FGF11: variants seen among roughly 807,000 people sequenced by gnomAD.
FGF11 encodes fibroblast growth factor homologous factor 3.
In FGF11, 25 loss-of-function variants were observed where a neutral mutation model predicts 25.1. That is an observed-to-expected ratio of 1.00 (90% CI 0.73 to 1.39). FGF11 has a LOEUF of 1.39. FGF11 is among the 40% of genes most tolerant of loss of function. FGF11 has a pLI of 0.00. For synonymous variants in FGF11, 130 were observed against 128.9 expected, an observed-to-expected ratio of 1.01 and a Z score of -0.06; for missense variants, 320 against 311.0, an observed-to-expected ratio of 1.03 and a Z score of -0.22.
Position 7,441,617 on chromosome 17 carries a change from G to T in FGF11, c.304+36G>T, listed in dbSNP as rs764370535. The T allele has an allele frequency of 9.3e-6, 15 of 1,613,234 alleles. No homozygotes were observed. The East Asian group carries it at 2.9e-4, about 31-fold the overall frequency. On this transcript the variant is annotated intron_variant, in intron 2 of 4. Coordinates refer to ENST00000293829, the MANE Select transcript of FGF11 (RefSeq NM_004112.4). Reference sequence around the variant, plus strand: ...AAGCTGGCTGCAGGGTGGGAAGGGGGAGAATGGGGACAGGAGATGACAATC... The same window carrying T: ...AAGCTGGCTGCAGGGTGGGAAGGGGTAGAATGGGGACAGGAGATGACAATC...
intron 1 of FGF11, 193 bp from the exon 2 acceptor site, chr17:7,441,278 G>A: frequency 2.9e-6 from 2 of 678,470 alleles, no homozygotes; most frequent in South Asian, 3.9e-5. Flanking sequence ...ATAGGAAACA[G>A]AAGGGACCCA....
chr17:7,444,272 G>C lies in FGF11; in HGVS notation c.*1126G>C, dbSNP rs1206754326. The C allele has an allele frequency of 2.0e-5, 3 of 152,714 alleles. No homozygotes were observed. Among genetic ancestry groups the C allele is most frequent in the Middle Eastern group, 6.8e-3 (2 of 294 alleles). The allele number at this position is 152,714 out of a possible 1,614,324, so 9.5% of individuals were successfully genotyped here. ...TGGCTCATAGTAGGGAAGCTGGGAT[G>C]GGGGAGGGGTCAAAATTATGGCATG... On this transcript the variant is annotated 3_prime_UTR_variant, in exon 5 of 5. Transcript: ENST00000293829.
chr17:7,443,088 A>G lies in FGF11; in HGVS notation c.620A>G (p.Gln207Arg). The G allele has an allele frequency of 1.2e-6, 2 of 1,612,364 alleles. No individual in the cohort carries two copies. Among genetic ancestry groups the G allele is most frequent in the East Asian group, 2.2e-5 (1 of 44,874 alleles). ...CTCCCCTTCACAGTGGCCATGTACCAGGAGCCTTCTCTCCACAGTGTCCCC... is the reference window on the plus strand; with the variant it reads ...CTCCCCTTCACAGTGGCCATGTACCGGGAGCCTTCTCTCCACAGTGTCCCC... ...LPKLLEVAMY[Q>R]EPSLHSVPEA... is the part of the protein sequence containing the mutation. Residue 207 changes from glutamine (Q) to arginine (R), a missense_variant, in exon 5 of 5, where the codon CAG becomes CGG. Gln to Arg is a conservative substitution (Grantham distance 43, BLOSUM62 1). Coordinates refer to ENST00000293829, the MANE Select transcript of FGF11 (RefSeq NM_004112.4).
rs193079622 is a variant in FGF11, at chr17:7,442,491, C to G, written c.409-103C>G. 149 of 1,483,824 alleles carry G rather than the reference C, an allele frequency of 1.0e-4. 1 individual carries two copies. The African/African-American group carries it at 1.8e-3, about 18-fold the overall frequency. 91.9% of individuals were successfully genotyped at this position (1,483,824 alleles called of 1,614,324 possible). On this transcript the variant is annotated intron_variant, in intron 3 of 4. Coordinates refer to ENST00000293829, the MANE Select transcript of FGF11 (RefSeq NM_004112.4). The stretch of plus-strand genomic sequence containing the variant: ...TGGACTCAGAAGTTGTCCTCCCCCT[C>G]CCCCAAAAAGGATTTGTGCTTTCCA...
rs759534478 is a variant in FGF11, at chr17:7,443,314, G to A, written c.*168G>A. ...AGCCTAGGGGCTGACTGTGACTTCC[G>A]AGGCTGCTGAGACCCTTAGATCTTT... is the stretch of plus-strand genomic sequence containing the variant. On this transcript the variant is annotated 3_prime_UTR_variant, in exon 5 of 5. Coordinates refer to ENST00000293829, the MANE Select transcript of FGF11 (RefSeq NM_004112.4). 32 of 572,522 alleles carry A rather than the reference G, an allele frequency of 5.6e-5. No homozygotes were observed. Among genetic ancestry groups the A allele is most frequent in the Non-Finnish European group, 8.7e-5 (28 of 323,118 alleles). The allele number at this position is 572,522 out of a possible 1,614,324, so 35.5% of individuals were successfully genotyped here.
chr17:7,442,040 C>T (rs1156783014), intron 3 of FGF11, 161 bp downstream of exon 3: 2 of 594,670 alleles, frequency 3.4e-6, no homozygotes, highest in African/African-American at 3.7e-5. Context: ...TCCAGACCAG[C>T]TCCTCTAGGG....
intron 4 of FGF11, 32 bp from the exon 5 acceptor site, chr17:7,443,044 C>T (rs769137193): frequency 6.4e-7 from 1 of 1,566,498 alleles, no homozygotes; most frequent in South Asian, 1.1e-5. Context: ...CCTAACTCTC[C>T]TTCCCTGCTC....
At chr17:7,441,901 GC>G (rs775933667) in intron 3 of FGF11, 22 bp downstream of exon 3, 16 of 1,527,750 alleles carry the variant, frequency 1.0e-5, no homozygotes, top group Non-Finnish European at 1.3e-5. Flanking sequence ...AGGCTGAGTG[GC>G]CGGGAAATAC....
Position 7,440,758 on chromosome 17 carries a change from G to A in FGF11, c.194-713G>A, listed in dbSNP as rs987794189. 7 of 986,482 alleles carry A rather than the reference G, an allele frequency of 7.1e-6. No individual in the cohort carries two copies. Among genetic ancestry groups the A allele is most frequent in the African/African-American group, 1.7e-5 (1 of 57,212 alleles). The allele number at this position is 986,482 out of a possible 1,614,324, so 61.1% of individuals were successfully genotyped here. A position where few individuals can be genotyped will look rare whatever the true frequency, so the allele number is the denominator to read the frequency against. On this transcript the variant is annotated intron_variant, in intron 1 of 4. Transcript: ENST00000293829. The surrounding 1 kb of genome is among the most constrained non-coding windows in gnomAD (Gnocchi z 5.4). ...CAGCCCACCCTCTGAGTAGGACCGG[G>A]CCCCCACGTGACTCAGCCTGCCTCT...
intron 4 of FGF11, 67 bp from the exon 5 acceptor site, chr17:7,443,009 C>T: frequency 7.5e-7 from 1 of 1,332,472 alleles, no homozygotes; most frequent in Non-Finnish European, 1.1e-6. Context: ...TTTTGGAGCA[C>T]TGGTTCTGCC....
rs1032889907 is a variant in FGF11 at position 7,444,680 on chromosome 17, T to A, written c.*1534T>A. 1 of 192,330 alleles carries A rather than the reference T, an allele frequency of 5.2e-6. No homozygotes were observed. The highest frequency in any genetic ancestry group is 1.1e-5 in the Non-Finnish European group (1 of 91,084). 11.9% of individuals were successfully genotyped at this position (192,330 alleles called of 1,614,324 possible). A position where few individuals can be genotyped will look rare whatever the true frequency, so the allele number is the denominator to read the frequency against. ...GGCAGCCTGGAAAAGATGGGGAACC[T>A]GCTAGTGAACTAGGAGGGAGACTTC... On this transcript the variant is annotated 3_prime_UTR_variant, in exon 5 of 5. Transcript: ENST00000293829.
At position 7,441,764 on chromosome 17, in the gene FGF11, C is replaced by T. The variant is rs780619379; in HGVS notation, c.305-12C>T. 1 of 1,590,538 alleles carries T rather than the reference C, an allele frequency of 6.3e-7. No individual in the cohort carries two copies. Among genetic ancestry groups the T allele is most frequent in the East Asian group, 2.2e-5 (1 of 44,680 alleles). On this transcript the variant is annotated splice_polypyrimidine_tract_variant and intron_variant, in intron 2 of 4. Transcript: ENST00000293829. ...AGGCCTGGGTATTGATGCTCCCTCTCTCCACCTGCAGCCCACTTCAACCTG... is the reference window on the plus strand; with the variant it reads ...AGGCCTGGGTATTGATGCTCCCTCTTTCCACCTGCAGCCCACTTCAACCTG...
chr17:7,439,883 TGAA>T lies in FGF11; in HGVS notation c.193+74_193+76del, dbSNP rs1908235172. 4 of 1,280,934 alleles carry T rather than the reference TGAA, an allele frequency of 3.1e-6. No individual in the cohort carries two copies. In the South Asian group the frequency reaches 7.2e-5, roughly 23 times the overall value. The allele number at this position is 1,280,934 out of a possible 1,614,324, so 79.3% of individuals were successfully genotyped here. Reference sequence around the variant, plus strand: ...CCTGGGAGATTGAGGCCAGGGACTCTGAAGAATAGGGCCCGGCTGAGGGGCTCC... The same window carrying T: ...CCTGGGAGATTGAGGCCAGGGACTCTGAATAGGGCCCGGCTGAGGGGCTCC... On this transcript the variant is annotated intron_variant, in intron 1 of 4. Coordinates refer to ENST00000293829, the MANE Select transcript of FGF11 (RefSeq NM_004112.4).
At chr17:7,444,937 A>AGT (rs1373382402), downstream of FGF11, 2 of 616,186 alleles carry the variant, frequency 3.2e-6, no homozygotes, top group East Asian at 5.6e-5. Context: ...ATACAACTGA[A>AGT]GTGCTGTCTG....
chr17:7,442,806 C>G lies in FGF11; in HGVS notation c.607+14C>G. ...AGCTCCTGGAGGGTGGGTATAGACT[C>G]AAGAAAATGTGGGCCACAGGAGAGG... On this transcript the variant is annotated intron_variant, in intron 4 of 4. Transcript: ENST00000293829. The G allele has an allele frequency of 6.2e-7, 1 of 1,613,246 alleles. No homozygotes were observed.
chr17:7,443,187 A>T lies in FGF11; in HGVS notation c.*41A>T. 7.7e-7 allele frequency: 1 copy of T among 1,290,726 alleles called. No homozygotes were observed. Among genetic ancestry groups the T allele is most frequent in the Non-Finnish European group, 1.1e-6 (1 of 898,350 alleles). The allele number at this position is 1,290,726 out of a possible 1,614,324, so 80.0% of individuals were successfully genotyped here. Reference sequence around the variant, plus strand: ...CTGGAGGTTCCCTGCACTCCCAGTGAGCCAGCCACCACCACAACCTGTCTC... The same window carrying T: ...CTGGAGGTTCCCTGCACTCCCAGTGTGCCAGCCACCACCACAACCTGTCTC... On this transcript the variant is annotated 3_prime_UTR_variant, in exon 5 of 5. Transcript: ENST00000293829.
chr17:7,440,955 G>A lies in FGF11; in HGVS notation c.194-516G>A. 1 of 1,004,014 alleles carries A rather than the reference G, an allele frequency of 1.0e-6. No individual in the cohort carries two copies. The highest frequency in any genetic ancestry group is 4.1e-5 in the South Asian group (1 of 24,312). The allele number at this position is 1,004,014 out of a possible 1,614,324, so 62.2% of individuals were successfully genotyped here. A position where few individuals can be genotyped will look rare whatever the true frequency, so the allele number is the denominator to read the frequency against. ...AGATGGGTCAGTGTCAGACAGGCCG[G>A]CGCTGGGCCAAGGCAAGGCTCTCGC... On this transcript the variant is annotated intron_variant, in intron 1 of 4. Transcript: ENST00000293829. The surrounding 1 kb of genome is among the most constrained non-coding windows in gnomAD (Gnocchi z 5.4).
Position 7,440,531 on chromosome 17 carries a change from C to A in FGF11, c.193+718C>A. ...GATGGGCGCCGACTCGGGGGTCGTA[C>A]CACCTACAAGGGGGGACAGGGAAGT... On this transcript the variant is annotated intron_variant, in intron 1 of 4. Transcript: ENST00000293829. The surrounding 1 kb of genome is among the most constrained non-coding windows in gnomAD (Gnocchi z 5.4). 1 of 417,172 alleles carries A rather than the reference C, an allele frequency of 2.4e-6. No individual in the cohort carries two copies. The highest frequency in any genetic ancestry group is 3.2e-6 in the Non-Finnish European group (1 of 310,628). The allele number at this position is 417,172 out of a possible 1,614,324, so 25.8% of individuals were successfully genotyped here.
At position 7,440,735 on chromosome 17, in the gene FGF11, G is replaced by A; in HGVS notation, c.194-736G>A. On this transcript the variant is annotated intron_variant, in intron 1 of 4. Coordinates refer to ENST00000293829, the MANE Select transcript of FGF11 (RefSeq NM_004112.4). This position sits in a 1 kb window ranked among gnomAD's most constrained non-coding sequence, Gnocchi z 5.4. ...GCTGCCCATAGTGGTACAATCCGCA[G>A]CCCACCCTCTGAGTAGGACCGGGCC... is the stretch of plus-strand genomic sequence containing the variant. 1.0e-6 allele frequency: 1 copy of A among 986,290 alleles called. No homozygotes were observed. Among genetic ancestry groups the A allele is most frequent in the Non-Finnish European group, 1.2e-6 (1 of 830,658 alleles). 61.1% of individuals were successfully genotyped at this position (986,290 alleles called of 1,614,324 possible).
Sources: gnomAD v4.1 joint callset for allele counts on GRCh38, gnomAD v4.1.1 for gene constraint, Gnocchi (gnomAD v3.1) non-coding constraint, MANE v1.5 for transcripts, NCBI Gene and HGNC (gene_info 2026-07-23, HGNC 2026-07-21) for gene names.